Variants in SPIDR observed in about 807,000 individuals in gnomAD.
SPIDR encodes the protein DNA repair-scaffolding protein.
Under a neutral mutation model 104.6 loss-of-function variants are expected in SPIDR, and 93 were observed. The observed-to-expected ratio is 0.89, with a 90% CI of 0.75 to 1.06. The LOEUF is 1.06. Among genes scored for constraint, SPIDR ranks in the 50% least tolerant of loss-of-function variants. The probability of loss-of-function intolerance (pLI) is 0.00; values close to 1 mark genes in which losing one functional copy is unlikely to be tolerated. For synonymous variants in SPIDR, 431 were observed against 416.9 expected (o/e 1.03, Z -0.41); for missense variants, 1,154 against 1,111.2 (o/e 1.04, Z -0.55).
At chr8:47,274,660 C>T (rs897394739) in intron 1 of SPIDR, among the ~76,000 whole-genome samples, 5 of 151,594 alleles carry the variant, frequency 3.3e-5, no homozygotes, top group Admixed American at 2.0e-4. Flanking sequence ...TCACTGCAAC[C>T]TCCGCCTCCT....
chr8:47,297,747 G>A (rs2041162093), intron 5 of SPIDR, among the ~76,000 whole-genome samples: 1 of 152,012 alleles, frequency 6.6e-6, no homozygotes, highest in South Asian at 2.1e-4. Flanking sequence ...TGAGAATGAT[G>A]GTTTCCAGCT....
chr8:47,618,294 G>A (rs535419349), intron 10 of SPIDR, among the ~76,000 whole-genome samples: 7 of 151,738 alleles, frequency 4.6e-5, no homozygotes, highest in East Asian at 1.9e-4. Flanking sequence ...TATACAGTCC[G>A]GCTATCATTA....
chr8:47,261,159 A>G (rs1464838184), intron 1 of SPIDR, among the ~76,000 whole-genome samples, 168 bp downstream of exon 1: 1 of 152,074 alleles, frequency 6.6e-6, no homozygotes, highest in Non-Finnish European at 1.5e-5. Flanking sequence ...AAGCCCGCGC[A>G]GTGGGGTACC....
At chr8:47,660,216 G>A (rs554763505) in intron 10 of SPIDR, among the ~76,000 whole-genome samples, 2 of 152,102 alleles carry the variant, frequency 1.3e-5, no homozygotes, top group Admixed American at 6.5e-5. Flanking sequence ...TAAACAAGAC[G>A]TATTTTTACA....
chr8:47,657,641 AT>A (rs1030952322), intron 10 of SPIDR, among the ~76,000 whole-genome samples: 1 of 152,068 alleles, frequency 6.6e-6, no homozygotes, highest in Non-Finnish European at 1.5e-5. Context: ...AGTTTATACT[AT>A]TGGGGTAACT....
chr8:47,280,096 AT>A, intron 2 of SPIDR, 79 bp downstream of exon 2: 1 of 1,411,218 alleles, frequency 7.1e-7, no homozygotes, highest in Non-Finnish European at 9.7e-7. Context: ...ATTACATTTC[AT>A]TGTAATTCCC....
At chr8:47,494,588 A>G (rs1450499301) in intron 8 of SPIDR, among the ~76,000 whole-genome samples, 3 of 152,170 alleles carry the variant, frequency 2.0e-5, no homozygotes, top group Admixed American at 6.5e-5. Context: ...ATCAGAAACA[A>G]TACGGCTTAG....
At chr8:47,730,406 TG>T (rs2085013690) in intron 19 of SPIDR, among the ~76,000 whole-genome samples, 1 of 152,206 alleles carries the variant, frequency 6.6e-6, no homozygotes, top group Non-Finnish European at 1.5e-5. Flanking sequence ...CAGTGGCCCC[TG>T]GGCACAGCCC....
chr8:47,685,804 G>A (rs976181160), intron 11 of SPIDR, among the ~76,000 whole-genome samples: 12 of 151,584 alleles, frequency 7.9e-5, no homozygotes, highest in Admixed American at 2.6e-4. Context: ...TGCCCACCTC[G>A]GCCTCCCAAA....
rs575590390 is a variant in SPIDR, at chr8:47,469,544, A to T, written c.1097+29002A>T. On this transcript the variant is annotated intron_variant, in intron 8 of 19. Coordinates refer to ENST00000297423, the MANE Select transcript of SPIDR (RefSeq NM_001080394.4). ...CTACAGAATACCATGCAGCCATAAAAAAAAAAATGAGGTCGTGATTTTACA... is the reference window on the plus strand; with the variant it reads ...CTACAGAATACCATGCAGCCATAAATAAAAAAATGAGGTCGTGATTTTACA... Among the ~76,000 whole-genome samples, 419 of 152,358 alleles carry T rather than the reference A, an allele frequency of 2.8e-3. 1 individual carries two copies. The highest frequency in any genetic ancestry group is 9.8e-3 in the African/African-American group (409 of 41,586).
At chr8:47,680,025 C>A (rs1321763909) in intron 11 of SPIDR, among the ~76,000 whole-genome samples, 3 of 152,122 alleles carry the variant, frequency 2.0e-5, no homozygotes, top group Non-Finnish European at 2.9e-5. Flanking sequence ...AGGGTGGCGA[C>A]CCATTACTGT....
At chr8:47,333,252 T>A (rs1554605866) in intron 5 of SPIDR, among the ~76,000 whole-genome samples, 1 of 152,126 alleles carries the variant, frequency 6.6e-6, no homozygotes, top group Non-Finnish European at 1.5e-5. Flanking sequence ...ATCTTGAGGA[T>A]GTTTTACAGT....
chr8:47,292,850 G>A (rs1322928534), intron 4 of SPIDR, among the ~76,000 whole-genome samples: 1 of 151,940 alleles, frequency 6.6e-6, no homozygotes, highest in Non-Finnish European at 1.5e-5. Context: ...GGTGTGATGG[G>A]CTCTTTTTAG....
chr8:47,489,001 G>A (rs1554735448), intron 8 of SPIDR, among the ~76,000 whole-genome samples: 2 of 152,132 alleles, frequency 1.3e-5, no homozygotes, highest in African/African-American at 4.8e-5. Flanking sequence ...GTTCTGGCCA[G>A]GGCAGTCAGG....
intron 8 of SPIDR, among the ~76,000 whole-genome samples, chr8:47,498,683 A>G (rs2079846824): frequency 1.3e-5 from 2 of 152,158 alleles, no homozygotes; most frequent in Non-Finnish European, 2.9e-5. Context: ...TATCACATCT[A>G]TCAGGTCAAG....
At chr8:47,314,009 T>C (rs1400969727) in intron 5 of SPIDR, among the ~76,000 whole-genome samples, 3 of 152,154 alleles carry the variant, frequency 2.0e-5, no homozygotes, top group Non-Finnish European at 2.9e-5. Context: ...AGCACTGCAA[T>C]TGGTAAAAAT....
chr8:47,522,833 T>C (rs1363520958), intron 8 of SPIDR, among the ~76,000 whole-genome samples: 1 of 152,156 alleles, frequency 6.6e-6, no homozygotes, highest in Non-Finnish European at 1.5e-5. Flanking sequence ...GTACTCTGTT[T>C]CTGAGAAAGC....
intron 7 of SPIDR, among the ~76,000 whole-genome samples, chr8:47,410,672 A>G (rs2063386876): frequency 6.6e-6 from 1 of 151,884 alleles, no homozygotes; most frequent in Non-Finnish European, 1.5e-5. Context: ...TATTATTATT[A>G]TTATATTTTA....
At chr8:47,262,128 T>C (rs2032575288) in intron 1 of SPIDR, among the ~76,000 whole-genome samples, 2 of 152,218 alleles carry the variant, frequency 1.3e-5, no homozygotes, top group South Asian at 2.1e-4. Flanking sequence ...ATGTCATACA[T>C]TGAAGTTAAC....
Sources: gnomAD v4.1 joint callset for allele counts (sites outside exome capture counted in the v4.1 genomes callset) on GRCh38, gnomAD v4.1.1 for gene constraint, MANE v1.5 for transcripts, NCBI Gene and HGNC (gene_info 2026-07-23, HGNC 2026-07-21) for gene names.